Variants in CYP2A7 observed in about 807,000 individuals in gnomAD.
CYP2A7 encodes cytochrome P450 family 2 subfamily A member 7, also known as cytochrome P450 2A7.
CYP2A7 carries 36 observed loss-of-function variants against 42.0 expected under a neutral mutation model. The ratio of observed to expected loss-of-function variants is 0.86; its 90% CI spans 0.66 to 1.13. The LOEUF is 1.13. Among genes scored for constraint, CYP2A7 ranks in the 50% most tolerant of loss-of-function variants. The probability of loss-of-function intolerance (pLI) is 0.00; values close to 1 mark genes in which losing one functional copy is unlikely to be tolerated. For synonymous variants in CYP2A7, 260 were observed against 249.5 expected (o/e 1.04, Z -0.40); for missense variants, 661 against 634.1 (o/e 1.04, Z -0.46).
chr19:40,880,599 T>G lies in CYP2A7; in HGVS notation c.373A>C (p.Lys125Gln). The G allele has an allele frequency of 1.9e-6, 3 of 1,592,122 alleles. No individual in the cohort carries two copies. Among genetic ancestry groups the G allele is most frequent in the Non-Finnish European group, 2.6e-6 (3 of 1,165,048 alleles). Residue 125 changes from lysine to glutamine, a missense_variant, in exon 3 of 9, where the codon AAG becomes CAG. This residue lies in a region of CYP2A7 where 614 missense variants were observed against 552.4 expected (regional missense o/e 1.11). Transcript: ENST00000301146. ...GCGATGGCAAAGCGCAGGAGCTGCT[T>G]GGCGCGCTCCCCGTTGCTGAACGCC... ...GVAFSNGERAKQLLRFAIATL... is the reference protein window; with the variant it reads ...GVAFSNGERAQQLLRFAIATL...
In CYP2A7 at chr19:40,880,633, G is replaced by A. The variant is rs1024965405; in HGVS notation, c.344-5C>T. 1 of 1,587,798 alleles carries A rather than the reference G, an allele frequency of 6.3e-7. No individual in the cohort carries two copies. Among genetic ancestry groups the A allele is most frequent in the Non-Finnish European group, 8.6e-7 (1 of 1,164,408 alleles). On this transcript the variant is annotated splice_region_variant and splice_polypyrimidine_tract_variant and intron_variant, in intron 2 of 8. Coordinates refer to ENST00000301146, the MANE Select transcript of CYP2A7 (RefSeq NM_000764.3). Reference sequence around the variant, plus strand: ...CCCCGTTGCTGAACGCCACGCCTGGGGAGGTCAAGGCGGGGGTGGAGAGAG... The same window carrying A: ...CCCCGTTGCTGAACGCCACGCCTGGAGAGGTCAAGGCGGGGGTGGAGAGAG...
At position 40,882,065 on chromosome 19, in the gene CYP2A7, A is replaced by G; in HGVS notation, c.146T>C (p.Leu49Pro). The change falls in exon 1 of 9, where the codon CTG (leucine) becomes CCG (proline). Residue 49 changes from leucine to proline, a missense_variant. This residue lies in a region of CYP2A7 where 614 missense variants were observed against 552.4 expected (regional missense o/e 1.11). Coordinates refer to ENST00000301146, the MANE Select transcript of CYP2A7 (RefSeq NM_000764.3). The part of the protein sequence containing the change: ...PLPFIGNYLQ[L>P]NTEHICDSIM... Reference sequence around the variant, plus strand: ...GGAGTCACATATGTGCTCTGTGTTCAGCTGGAGGTAGTTTCCAATGAAGGG... The same window carrying G: ...GGAGTCACATATGTGCTCTGTGTTCGGCTGGAGGTAGTTTCCAATGAAGGG... 6.2e-7 allele frequency: 1 copy of G among 1,613,958 alleles called. No individual in the cohort carries two copies. The highest frequency in any genetic ancestry group is 1.1e-5 in the South Asian group (1 of 91,066).
rs929424984 is a variant in CYP2A7 at position 40,876,471 on chromosome 19, G to A, written c.1303+56C>T. The A allele has an allele frequency of 4.3e-6, 7 of 1,611,406 alleles. No homozygotes were observed. In the African/African-American group the frequency reaches 9.3e-5, roughly 22 times the overall value. On this transcript the variant is annotated intron_variant, in intron 8 of 8. Coordinates refer to ENST00000301146, the MANE Select transcript of CYP2A7 (RefSeq NM_000764.3). ...TACACCGCAGAGAGGGGAGGTGGGTGAGGGAGGCGCCTGCTGGTGTGAGCA... is the reference window on the plus strand; with the variant it reads ...TACACCGCAGAGAGGGGAGGTGGGTAAGGGAGGCGCCTGCTGGTGTGAGCA...
Position 40,875,593 on chromosome 19 carries a change from A to T in CYP2A7, c.*100T>A. The T allele has an allele frequency of 1.9e-6, 3 of 1,578,096 alleles. No individual in the cohort carries two copies. Among genetic ancestry groups the T allele is most frequent in the Non-Finnish European group, 2.6e-6 (3 of 1,157,266 alleles). On this transcript the variant is annotated 3_prime_UTR_variant, in exon 9 of 9. Transcript: ENST00000301146. ...GCCACCACGCCCCTTCCTTTCCCGC[A>T]TCTTCCCCCCATTCTTATACCCGCC...
chr19:40,880,342 T>A (rs1967627395), intron 3 of CYP2A7, 98 bp from the exon 4 acceptor site: 1 of 1,544,888 alleles, frequency 6.5e-7, no homozygotes, highest in Non-Finnish European at 8.8e-7. Flanking sequence ...TGAGCCAAAT[T>A]CCCAGCGCCA....
intron 5 of CYP2A7, 67 bp from the exon 6 acceptor site, chr19:40,878,060 C>T (rs1272449398): frequency 3.3e-5 from 51 of 1,525,404 alleles, no homozygotes; most frequent in Non-Finnish European, 4.3e-5. Flanking sequence ...TAGGGCTTTT[C>T]CTTTGGATCT....
In CYP2A7 at chr19:40,877,893, C is replaced by T. The variant is rs146193813; in HGVS notation, c.932G>A (p.Arg311His). 728 of 1,611,754 alleles carry T rather than the reference C, an allele frequency of 4.5e-4. 9 individuals carry two copies. In the African/African-American group the frequency reaches 7.8e-3, roughly 17 times the overall value. The change falls in exon 6 of 9, where the codon CGC becomes CAC. Residue 311 changes from arginine to histidine, a missense_variant. Transcript: ENST00000301146. ...CTTCATGAGCAGCAAGAAGCCATAG[C>T]GCAGGGTGGTGCTGACCGTCTCGGT... ...AGTETVSTTL[R>H]YGFLLLMKHP...
At chr19:40,876,361 TG>T in intron 8 of CYP2A7, 165 bp downstream of exon 8, 1 of 1,142,968 alleles carries the variant, frequency 8.7e-7, no homozygotes, top group Non-Finnish European at 1.3e-6. Context: ...GTGCAGGTAC[TG>T]GGTGCTTGGT....
In CYP2A7 at chr19:40,878,818, G is replaced by C; in HGVS notation, c.773C>G (p.Thr258Arg). ...GTCCTGTGGGGAATTGGGATCCAGC[G>C]TGCGCTGGTTGTGCTCCACCTTCTT... ...IAKKVEHNQR[T>R]LDPNSPQDFI... Residue 258 changes from threonine (T) to arginine (R), a missense_variant, in exon 5 of 9, where the codon ACG becomes AGG. This residue lies in a region of CYP2A7 where 614 missense variants were observed against 552.4 expected (regional missense o/e 1.11). Coordinates refer to ENST00000301146, the MANE Select transcript of CYP2A7 (RefSeq NM_000764.3). 2 of 1,612,260 alleles carry C rather than the reference G, an allele frequency of 1.2e-6. No individual in the cohort carries two copies.
chr19:40,878,234 G>A (rs1361746213), intron 5 of CYP2A7, among the ~76,000 whole-genome samples: 4 of 151,404 alleles, frequency 2.6e-5, no homozygotes, highest in African/African-American at 9.7e-5. Context: ...CAACTTAGCT[G>A]TCAGTTTTTT....
At chr19:40,877,022 A>C (rs1428486947) in intron 7 of CYP2A7, 168 bp downstream of exon 7, 5 of 754,596 alleles carry the variant, frequency 6.6e-6, no homozygotes, top group Middle Eastern at 2.7e-4. Context: ...TGCAGGACTC[A>C]GGAGTGTCTA....
rs1760298225 is a variant in CYP2A7, at chr19:40,877,394, A to G, written c.974-17T>C. 6.2e-7 allele frequency: 1 copy of G among 1,609,490 alleles called. No individual in the cohort carries two copies. Among genetic ancestry groups the G allele is most frequent in the Non-Finnish European group, 8.5e-7 (1 of 1,177,186 alleles). On this transcript the variant is annotated splice_polypyrimidine_tract_variant and intron_variant, in intron 6 of 8. Transcript: ENST00000301146. ...GGACCTTGGCTGGGGGAGGAGGGGG[A>G]ATGTGTTTAGGTATCTGGGAGTCTC...
At position 40,881,580 on chromosome 19, in the gene CYP2A7, C is replaced by G. The variant is rs1256807221; in HGVS notation, c.343+9G>C. On this transcript the variant is annotated intron_variant, in intron 2 of 8. Transcript: ENST00000301146. ...CTGGCCACCTTCCCCATCTTGGGCA[C>G]CCCCTCACCATAGCCTTTGAAGACC... 6.2e-7 allele frequency: 1 copy of G among 1,611,390 alleles called. No individual in the cohort carries two copies. Among genetic ancestry groups the G allele is most frequent in the South Asian group, 1.1e-5 (1 of 90,912 alleles).
Position 40,880,205 on chromosome 19 carries a change from A to T in CYP2A7, c.533T>A (p.Val178Asp), listed in dbSNP as rs758661172. The change falls in exon 4 of 9, where the codon GTC (valine) becomes GAC (aspartate). Residue 178 changes from valine to aspartate, a missense_variant. By Grantham distance (152) the Val-to-Asp change is radical. This residue lies in a region of CYP2A7 where 614 missense variants were observed against 552.4 expected (regional missense o/e 1.11). Coordinates refer to ENST00000301146, the MANE Select transcript of CYP2A7 (RefSeq NM_000764.3). ...GACAATGGAGCTGATGACATTGGAG[A>T]CTGTGCGGCTCAGGAAGAAGGTGGG... The part of the protein sequence containing the change: ...IDPTFFLSRT[V>D]SNVISSIVFG... 9.3e-6 allele frequency: 15 copies of T among 1,612,728 alleles called. No individual in the cohort carries two copies. The East Asian group carries it at 3.3e-4, about 36-fold the overall frequency.
chr19:40,876,569 C>G lies in CYP2A7; in HGVS notation c.1261G>C (p.Gly421Arg). Reference sequence around the variant, plus strand: ...AAAGCATCACTCTTCTTAAACTGCCCCTTGTCATCCAGGAAATGCTGGGGA... The same window carrying G: ...AAAGCATCACTCTTCTTAAACTGCCGCTTGTCATCCAGGAAATGCTGGGGA... Reference protein sequence around the residue: ...FNPQHFLDDKGQFKKSDAFVP... With the variant: ...FNPQHFLDDKRQFKKSDAFVP... Residue 421 changes from glycine (G) to arginine (R), a missense_variant, in exon 8 of 9, where the codon GGG becomes CGG. Physicochemically the swap from Gly to Arg is moderately radical, Grantham distance 125. Coordinates refer to ENST00000301146, the MANE Select transcript of CYP2A7 (RefSeq NM_000764.3). 1 of 1,612,980 alleles carries G rather than the reference C, an allele frequency of 6.2e-7. No individual in the cohort carries two copies. The highest frequency in any genetic ancestry group is 2.2e-5 in the East Asian group (1 of 44,876).
chr19:40,876,320 G>C (rs999884391), intron 8 of CYP2A7: 8 of 781,444 alleles, frequency 1.0e-5, no homozygotes, highest in Non-Finnish European at 1.7e-5. Context: ...ATACATCTAC[G>C]GGGAAAGATG....
At position 40,880,571 on chromosome 19, in the gene CYP2A7, G is replaced by T. The variant is rs145474618; in HGVS notation, c.401C>A (p.Thr134Asn). ...AKQLLRFAIATLRDFGVGKRG... is the reference protein window; with the variant it reads ...AKQLLRFAIANLRDFGVGKRG... ...CTTGCCCACCCCGAAGTCCCTCAGG[G>T]TGGCGATGGCAAAGCGCAGGAGCTG... The change falls in exon 3 of 9, where the codon ACC (threonine) becomes AAC (asparagine). Residue 134 changes from threonine to asparagine, a missense_variant. Around this residue, in one of 3 missense-constraint regions of CYP2A7, gnomAD observed 614 missense variants for 552.4 expected, o/e 1.11. Coordinates refer to ENST00000301146, the MANE Select transcript of CYP2A7 (RefSeq NM_000764.3). The T allele has an allele frequency of 4.9e-4, 789 of 1,608,112 alleles. 16 individuals carry two copies. The African/African-American group carries it at 9.7e-3, about 20-fold the overall frequency.
chr19:40,879,539 A>T (rs1241477814), intron 4 of CYP2A7, among the ~76,000 whole-genome samples: 2 of 151,734 alleles, frequency 1.3e-5, no homozygotes, highest in Non-Finnish European at 2.9e-5. Flanking sequence ...TGTGTCAGGG[A>T]ACAATCTGTC....
At position 40,880,508 on chromosome 19, in the gene CYP2A7, A is replaced by C. The variant is rs754470575; in HGVS notation, c.464T>G (p.Phe155Cys). Residue 155 changes from phenylalanine to cysteine, a missense_variant, in exon 3 of 9, where the codon TTC becomes TGC. Around this residue, in one of 3 missense-constraint regions of CYP2A7, gnomAD observed 614 missense variants for 552.4 expected, o/e 1.11. Coordinates refer to ENST00000301146, the MANE Select transcript of CYP2A7 (RefSeq NM_000764.3). ...CGTGCTCCGGATGGCCTCGATGAGGAAGCCCGACTCCTCCTGGATGCGCTC... is the reference window on the plus strand; with the variant it reads ...CGTGCTCCGGATGGCCTCGATGAGGCAGCCCGACTCCTCCTGGATGCGCTC... ...IEERIQEESG[F>C]LIEAIRSTHG... 3.1e-6 allele frequency: 5 copies of C among 1,612,452 alleles called. 1 individual carries two copies. Among genetic ancestry groups the C allele is most frequent in the Admixed American group, 1.7e-5 (1 of 59,860 alleles).
Sources: allele counts gnomAD v4.1 joint callset (sites outside exome capture counted in the v4.1 genomes callset), GRCh38; gene constraint gnomAD v4.1.1; regional missense constraint gnomAD v4.1.1; transcripts MANE v1.5; gene names NCBI Gene and HGNC (gene_info 2026-07-23, HGNC 2026-07-21).